CNST: variants seen among roughly 807,000 people sequenced by gnomAD.
CNST encodes the protein consortin, connexin sorting protein.
A neutral mutation model predicts 72.4 loss-of-function variants in CNST; 39 were observed. The ratio of observed to expected loss-of-function variants is 0.54; its 90% CI spans 0.42 to 0.70. CNST has a LOEUF of 0.70. CNST is among the 30% of genes least tolerant of loss of function. The pLI is 0.00. For missense variants in CNST, 871 were observed against 868.5 expected, an observed-to-expected ratio of 1.00 and a Z score of -0.04; for synonymous variants, 332 against 320.1, an observed-to-expected ratio of 1.04 and a Z score of -0.40.
At chr1:246,626,451 C>CTTTTTTTTTTTTTTTTTT in intron 3 of CNST, among the ~76,000 whole-genome samples, 1 of 79,920 alleles carries the variant, frequency 1.3e-5, no homozygotes, top group African/African-American at 4.8e-5. Context: ...TAGGTTTGTC[C>CTTTTTTTTTTTTTTTTTT]TTTTTTTTTT....
At chr1:246,611,349 A>T (rs184802854) in intron 2 of CNST, among the ~76,000 whole-genome samples, 3,123 of 151,860 alleles carry the variant, frequency 0.021, 61 homozygotes, top group African/African-American at 0.049. Context: ...GTTTTTTTTT[A>T]AAATATTTCT....
rs534768454 is a variant in CNST at position 246,632,451 on chromosome 1, T to C, written c.616+527T>C. ...AGTAAGGGACCCCCATTTTACGACA[T>C]AGGGCAGGCAAGAAGACAGCCAGCT... On this transcript the variant is annotated intron_variant, in intron 4 of 10. Coordinates refer to ENST00000366513, the MANE Select transcript of CNST (RefSeq NM_152609.3). 1.2e-4 allele frequency: 25 copies of C among 205,836 alleles called. 3 individuals carry two copies. In the South Asian group the frequency reaches 2.4e-3, roughly 19 times the overall value. The allele number at this position is 205,836 out of a possible 1,614,324, so 12.8% of individuals were successfully genotyped here. A position where few individuals can be genotyped will look rare whatever the true frequency, so the allele number is the denominator to read the frequency against.
chr1:246,577,488 T>A (rs939556688), intron 1 of CNST, among the ~76,000 whole-genome samples: 2 of 152,112 alleles, frequency 1.3e-5, no homozygotes, highest in African/African-American at 4.8e-5. Flanking sequence ...TCTACTGTTG[T>A]TCAGACTTTA....
chr1:246,646,263 G>A (rs1476495498), intron 8 of CNST, among the ~76,000 whole-genome samples: 1 of 109,516 alleles, frequency 9.1e-6, no homozygotes, highest in African/African-American at 4.6e-5. Context: ...CTGGGTGACA[G>A]AGCGAAACTC....
chr1:246,626,204 C>T (rs114327436), intron 3 of CNST, among the ~76,000 whole-genome samples: 4 of 152,100 alleles, frequency 2.6e-5, no homozygotes, highest in South Asian at 2.1e-4. Context: ...CGCATGCCAC[C>T]GTGCCCAGCT....
rs2103043924 is a variant in CNST, at chr1:246,604,448, G to C, written c.379+12507G>C. Among the ~76,000 whole-genome samples, 3 of 152,104 alleles carry C rather than the reference G, an allele frequency of 2.0e-5. No homozygotes were observed. In the Middle Eastern group the frequency reaches 0.01, roughly 517 times the overall value. ...TTGTTTTGATCTATTGAAAGTTCAG[G>C]GTTAACCCCTGGGCTTCTAATGCTT... is the stretch of plus-strand genomic sequence containing the variant. On this transcript the variant is annotated intron_variant, in intron 2 of 10. Transcript: ENST00000366513.
intron 3 of CNST, among the ~76,000 whole-genome samples, chr1:246,627,639 G>A (rs1558569915): frequency 6.6e-6 from 1 of 152,166 alleles, no homozygotes; most frequent in East Asian, 1.9e-4. Flanking sequence ...CAAGAGTCTG[G>A]GGAGAGGCTT....
At position 246,591,792 on chromosome 1, in the gene CNST, T is replaced by G. The variant is rs761973734; in HGVS notation, c.230T>G (p.Leu77Trp). The G allele has an allele frequency of 1.4e-5, 23 of 1,613,866 alleles. No homozygotes were observed. Among genetic ancestry groups the G allele is most frequent in the Non-Finnish European group, 1.9e-5 (22 of 1,179,966 alleles). The change falls in exon 2 of 11, where the codon TTG becomes TGG. Residue 77 changes from leucine (L) to tryptophan (W), a missense_variant. Coordinates refer to ENST00000366513, the MANE Select transcript of CNST (RefSeq NM_152609.3). Reference protein sequence around the residue: ...DSLNNNESCTLSCEVAAGENL... With the variant: ...DSLNNNESCTWSCEVAAGENL... ...CTCAATAATAATGAAAGCTGCACAT[T>G]GAGCTGCGAGGTGGCTGCAGGTGAG... is the stretch of plus-strand genomic sequence containing the variant.
intron 6 of CNST, among the ~76,000 whole-genome samples, chr1:246,640,051 A>T (rs1308860996): frequency 6.6e-6 from 1 of 152,066 alleles, no homozygotes; most frequent in African/African-American, 2.4e-5. Context: ...CTGAGGAGGG[A>T]GGAGTTATTC....
intron 2 of CNST, among the ~76,000 whole-genome samples, chr1:246,620,718 A>G (rs948072726): frequency 7.2e-6 from 1 of 138,784 alleles, no homozygotes; most frequent in Admixed American, 7.2e-5. Context: ...CGTGGTGCAT[A>G]CACACGATGG....
At chr1:246,656,166 A>G (rs147433071) in intron 9 of CNST, among the ~76,000 whole-genome samples, 4 of 152,340 alleles carry the variant, frequency 2.6e-5, no homozygotes, top group East Asian at 3.9e-4. Flanking sequence ...AGTGAAACCT[A>G]TATCATTAAA....
chr1:246,600,156 G>C (rs918798925), intron 2 of CNST, among the ~76,000 whole-genome samples: 1 of 152,186 alleles, frequency 6.6e-6, no homozygotes, highest in Admixed American at 6.5e-5. Context: ...ATGGGCTAGA[G>C]CTCACAAGAC....
At chr1:246,633,239 C>T (rs1392675988) in intron 4 of CNST, among the ~76,000 whole-genome samples, 1 of 149,838 alleles carries the variant, frequency 6.7e-6, no homozygotes, top group Non-Finnish European at 1.5e-5. Context: ...CGCTTGAGGT[C>T]AGGAGTTCAA....
At chr1:246,601,411 G>T (rs1271598355) in intron 2 of CNST, among the ~76,000 whole-genome samples, 1 of 152,136 alleles carries the variant, frequency 6.6e-6, no homozygotes, top group Non-Finnish European at 1.5e-5. Flanking sequence ...AGAAATATTT[G>T]CCAAGCATTA....
chr1:246,632,916 A>G (rs1333651751), intron 4 of CNST, among the ~76,000 whole-genome samples: 1 of 152,220 alleles, frequency 6.6e-6, no homozygotes, highest in Non-Finnish European at 1.5e-5. Flanking sequence ...TGAAACAGAA[A>G]CACTTGACCA....
At chr1:246,639,369 G>T (rs1028977990) in intron 6 of CNST, among the ~76,000 whole-genome samples, 16 of 152,130 alleles carry the variant, frequency 1.1e-4, no homozygotes, top group Non-Finnish European at 2.1e-4. Context: ...AAGGAACCCA[G>T]AGCCTAAAAT....
At chr1:246,602,368 G>A (rs1404257435) in intron 2 of CNST, among the ~76,000 whole-genome samples, 1 of 152,140 alleles carries the variant, frequency 6.6e-6, no homozygotes, top group Non-Finnish European at 1.5e-5. Context: ...TTATGAGGTT[G>A]CAGTCAAGGG....
intron 8 of CNST, 138 bp from the exon 9 acceptor site, chr1:246,647,001 C>T: frequency 2.7e-6 from 2 of 748,928 alleles, no homozygotes; most frequent in Non-Finnish European, 4.2e-6. Context: ...CCTAAAGACA[C>T]TATTATGCAA....
At position 246,599,013 on chromosome 1, in the gene CNST, T is replaced by C. The variant is rs1662078490; in HGVS notation, c.379+7072T>C. On this transcript the variant is annotated intron_variant, in intron 2 of 10. Coordinates refer to ENST00000366513, the MANE Select transcript of CNST (RefSeq NM_152609.3). Reference sequence around the variant, plus strand: ...AATGACATGCAGAAACAGTAGCCTCTCATTTTACTCTTCCTTCTTTAAGGG... The same window carrying C: ...AATGACATGCAGAAACAGTAGCCTCCCATTTTACTCTTCCTTCTTTAAGGG... Among the ~76,000 whole-genome samples the C allele has an allele frequency of 2.6e-5, 4 of 152,206 alleles. No individual in the cohort carries two copies. In the South Asian group the frequency reaches 8.3e-4, roughly 31 times the overall value.
Sources: gnomAD v4.1 joint callset for allele counts (sites outside exome capture counted in the v4.1 genomes callset) on GRCh38, gnomAD v4.1.1 for gene constraint, MANE v1.5 for transcripts, NCBI Gene and HGNC (gene_info 2026-07-23, HGNC 2026-07-21) for gene names.